DCAF10: variants seen among roughly 807,000 people sequenced by gnomAD.
The protein encoded by DCAF10 is DDB1 and CUL4 associated factor 10.
In DCAF10, 19 loss-of-function variants were observed where a neutral mutation model predicts 51.9. That is an observed-to-expected ratio of 0.37 (90% CI 0.26 to 0.54). DCAF10 has a LOEUF of 0.54. Among genes scored for constraint, DCAF10 ranks in the 20% least tolerant of loss-of-function variants. The pLI, the probability that DCAF10 is intolerant of heterozygous loss-of-function variation, is 0.87. For synonymous variants in DCAF10, 291 were observed against 297.1 expected, an observed-to-expected ratio of 0.98 and a Z score of 0.21; for missense variants, 510 against 730.6, an observed-to-expected ratio of 0.70 and a Z score of 3.48.
Position 37,865,187 on chromosome 9 carries a change from C to CA in DCAF10, c.*3680dup, listed in dbSNP as rs1283021334. 6.6e-6 allele frequency: 1 copy of CA among 151,244 alleles called. No homozygotes were observed. Among genetic ancestry groups the CA allele is most frequent in the African/African-American group, 2.4e-5 (1 of 41,108 alleles). 9.4% of individuals were successfully genotyped at this position (151,244 alleles called of 1,614,324 possible). On this transcript the variant is annotated 3_prime_UTR_variant, in exon 7 of 7. Transcript: ENST00000377724. ...ATAAACTCAGGGCACACATTCTGGC[C>CA]ATTCCTGACTAAAAAACTTCAAGCA...
chr9:37,830,998 A>G (rs1014464029), intron 2 of DCAF10, among the ~76,000 whole-genome samples: 1 of 152,202 alleles, frequency 6.6e-6, no homozygotes, highest in African/African-American at 2.4e-5. Context: ...TGAGGTGGGC[A>G]GATTGCCTGA....
intron 3 of DCAF10, among the ~76,000 whole-genome samples, chr9:37,850,194 G>A (rs1830592451): frequency 6.6e-6 from 1 of 152,166 alleles, no homozygotes; most frequent in Admixed American, 6.5e-5. Flanking sequence ...AAGGTCATTA[G>A]ATATAAATTA....
In DCAF10 at chr9:37,829,599, G is replaced by A. The variant is rs898590795; in HGVS notation, c.653+10198G>A. 6.6e-6 allele frequency among the ~76,000 whole-genome samples: 1 copy of A among 152,254 alleles called. No homozygotes were observed. The highest frequency in any genetic ancestry group is 2.4e-5 in the African/African-American group (1 of 41,542). On this transcript the variant is annotated intron_variant, in intron 2 of 6. Coordinates refer to ENST00000377724, the MANE Select transcript of DCAF10 (RefSeq NM_024345.5). This position sits in a 1 kb window ranked among gnomAD's most constrained non-coding sequence, Gnocchi z 4.2. ...AATACTTGCTATTTCTCTCGGCAGCGAAACGTTGAGAAATAGGCACTCTTA... is the reference window on the plus strand; with the variant it reads ...AATACTTGCTATTTCTCTCGGCAGCAAAACGTTGAGAAATAGGCACTCTTA...
At chr9:37,849,128 A>G (rs897118663) in intron 3 of DCAF10, among the ~76,000 whole-genome samples, 2 of 152,152 alleles carry the variant, frequency 1.3e-5, no homozygotes, top group African/African-American at 4.8e-5. Context: ...ACATTTTAAA[A>G]TGGTGAACCT....
intron 1 of DCAF10, among the ~76,000 whole-genome samples, chr9:37,816,656 T>TGG (rs201441275): frequency 5.2e-4 from 74 of 142,714 alleles, no homozygotes; most frequent in Middle Eastern, 3.5e-3. Flanking sequence ...CATCTGCACC[T>TGG]GGGGTGTGTG....
chr9:37,814,728 A>G (rs1016591748), intron 1 of DCAF10, among the ~76,000 whole-genome samples: 5 of 152,224 alleles, frequency 3.3e-5, no homozygotes, highest in Non-Finnish European at 7.3e-5. Context: ...ATCATAACCA[A>G]TAATACTGCA....
intron 3 of DCAF10, among the ~76,000 whole-genome samples, chr9:37,844,416 C>T (rs1268256464): frequency 3.9e-5 from 6 of 152,072 alleles, no homozygotes; most frequent in African/African-American, 1.4e-4. Flanking sequence ...TTCGGAAGGC[C>T]GAGGTGGGTG....
At position 37,829,956 on chromosome 9, in the gene DCAF10, T is replaced by C. The variant is rs950799598; in HGVS notation, c.653+10555T>C. On this transcript the variant is annotated intron_variant, in intron 2 of 6. Transcript: ENST00000377724. The surrounding 1 kb of genome is among the most constrained non-coding windows in gnomAD (Gnocchi z 4.2). ...AGTTTGAGGCTGCAGGGAGCCATGA[T>C]TGCACCACTGCATTCCAGTCTGGGT... Among the ~76,000 whole-genome samples, 3 of 152,138 alleles carry C rather than the reference T, an allele frequency of 2.0e-5. No individual in the cohort carries two copies. Among genetic ancestry groups the C allele is most frequent in the East Asian group, 1.9e-4 (1 of 5,204 alleles).
At chr9:37,815,998 T>C (rs1055375001) in intron 1 of DCAF10, among the ~76,000 whole-genome samples, 7 of 152,180 alleles carry the variant, frequency 4.6e-5, no homozygotes, top group African/African-American at 9.7e-5. Context: ...CTCACTGTGT[T>C]GCACAGGCTG....
intron 2 of DCAF10, among the ~76,000 whole-genome samples, chr9:37,840,049 A>G (rs1830286680): frequency 6.6e-6 from 1 of 152,160 alleles, no homozygotes; most frequent in African/African-American, 2.4e-5. Flanking sequence ...GGGAGCTCAG[A>G]GAATTGGTAG....
rs10814628 is a variant in DCAF10 at position 37,842,340 on chromosome 9, G to C, written c.851+54G>C. 4.4e-3 allele frequency: 6,715 copies of C among 1,523,704 alleles called. 237 individuals carry two copies. The African/African-American group carries it at 0.08, about 18-fold the overall frequency. 94.4% of individuals were successfully genotyped at this position (1,523,704 alleles called of 1,614,324 possible). A position where few individuals can be genotyped will look rare whatever the true frequency, so the allele number is the denominator to read the frequency against. On this transcript the variant is annotated intron_variant, in intron 3 of 6. Transcript: ENST00000377724. ...TATGAACAAAAACATTTTTTTTAAA[G>C]ATGGTGAACAAATTCAGTGTTCTGT...
At chr9:37,806,695 T>C (rs1829124615) in intron 1 of DCAF10, among the ~76,000 whole-genome samples, 1 of 152,252 alleles carries the variant, frequency 6.6e-6, no homozygotes, top group South Asian at 2.1e-4. Context: ...GGATGGTTTA[T>C]GGATGAATAA....
At chr9:37,827,924 TTA>T (rs1298587440) in intron 2 of DCAF10, among the ~76,000 whole-genome samples, 1 of 152,166 alleles carries the variant, frequency 6.6e-6, no homozygotes, top group African/African-American at 2.4e-5. Context: ...TCCCTCTATT[TTA>T]GAGACAGAGT....
chr9:37,805,783 C>T (rs957668054), intron 1 of DCAF10, among the ~76,000 whole-genome samples: 1 of 152,166 alleles, frequency 6.6e-6, no homozygotes, highest in Non-Finnish European at 1.5e-5. Flanking sequence ...ACTAAATATT[C>T]TAATTAAAAG....
chr9:37,809,889 G>A lies in DCAF10; in HGVS notation c.539+8484G>A, dbSNP rs370899381. Among the ~76,000 whole-genome samples, 13 of 146,916 alleles carry A rather than the reference G, an allele frequency of 8.8e-5. 1 individual carries two copies. The highest frequency in any genetic ancestry group is 6.5e-4 in the South Asian group (3 of 4,630). ...GGGGCGGCCGTGCGCGGTGGCTCAC[G>A]CCTGTAATCCCAGCATTTTGGGAGG... On this transcript the variant is annotated intron_variant, in intron 1 of 6. Coordinates refer to ENST00000377724, the MANE Select transcript of DCAF10 (RefSeq NM_024345.5).
chr9:37,864,686 G>A lies in DCAF10; in HGVS notation c.*3178G>A, dbSNP rs564452890. On this transcript the variant is annotated 3_prime_UTR_variant, in exon 7 of 7. Transcript: ENST00000377724. ...ACCTACCAAGTACTGTGGTCATATT[G>A]ACATTCAAAAGAAGTTTCATAAATC... The A allele has an allele frequency of 2.6e-5, 4 of 152,160 alleles. No homozygotes were observed. The highest frequency in any genetic ancestry group is 9.6e-5 in the African/African-American group (4 of 41,516). 9.4% of individuals were successfully genotyped at this position (152,160 alleles called of 1,614,324 possible). A position where few individuals can be genotyped will look rare whatever the true frequency, so the allele number is the denominator to read the frequency against.
At position 37,801,685 on chromosome 9, in the gene DCAF10, G is replaced by A. The variant is rs1003756050; in HGVS notation, c.539+280G>A. 2.0e-5 allele frequency among the ~76,000 whole-genome samples: 3 copies of A among 152,250 alleles called. No homozygotes were observed. The highest frequency in any genetic ancestry group is 2.0e-4 in the Admixed American group (3 of 15,290). On this transcript the variant is annotated intron_variant, in intron 1 of 6. Coordinates refer to ENST00000377724, the MANE Select transcript of DCAF10 (RefSeq NM_024345.5). This position sits in a 1 kb window ranked among gnomAD's most constrained non-coding sequence, Gnocchi z 5.5. ...GAAGCTACACAGCGGACCTGTCAGA[G>A]CCAGCCCACAACTAGGGCTTTCTGG...
At chr9:37,839,326 C>T (rs995414734) in intron 2 of DCAF10, among the ~76,000 whole-genome samples, 1 of 152,144 alleles carries the variant, frequency 6.6e-6, no homozygotes, top group South Asian at 2.1e-4. Flanking sequence ...TCTCAAAGTG[C>T]TGGGATTACA....
At chr9:37,811,489 A>G (rs965410421) in intron 1 of DCAF10, among the ~76,000 whole-genome samples, 1 of 152,212 alleles carries the variant, frequency 6.6e-6, no homozygotes. Context: ...GAGATCTGAC[A>G]TTAAAACTAT....
Sources: gnomAD v4.1 joint callset for allele counts (sites outside exome capture counted in the v4.1 genomes callset) on GRCh38, gnomAD v4.1.1 for gene constraint, Gnocchi (gnomAD v3.1) non-coding constraint, MANE v1.5 for transcripts, NCBI Gene and HGNC (gene_info 2026-07-23, HGNC 2026-07-21) for gene names.